The following NIM1K variants were observed in gnomAD, a reference collection of about 807,000 sequenced individuals.
NIM1K encodes the protein NIM1 serine/threonine protein kinase, also known as serine/threonine-protein kinase NIM1.
A neutral mutation model predicts 37.1 loss-of-function variants in NIM1K; 35 were observed. The ratio of observed to expected loss-of-function variants is 0.94; its 90% CI spans 0.72 to 1.25. The LOEUF (loss-of-function observed/expected upper bound fraction) is 1.25, where lower values mean the gene tolerates loss of function less well. Among genes scored for constraint, NIM1K ranks in the 50% most tolerant of loss-of-function variants. The pLI is 0.00. For missense variants in NIM1K, 564 were observed against 548.0 expected (o/e 1.03, Z -0.29); for synonymous variants, 234 against 206.6 (o/e 1.13, Z -1.14).
intron 1 of NIM1K, among the ~76,000 whole-genome samples, chr5:43,198,139 C>CT (rs755397354): frequency 2.5e-5 from 1 of 40,550 alleles, no homozygotes; most frequent in African/African-American, 8.7e-5. Flanking sequence ...TGATTTCTTT[C>CT]TTTCTTTCTT....
At chr5:43,198,372 C>T (rs1751966836) in intron 1 of NIM1K, among the ~76,000 whole-genome samples, 2 of 149,888 alleles carry the variant, frequency 1.3e-5, no homozygotes, top group African/African-American at 2.5e-5. Context: ...CTCTCTCTCT[C>T]CCCCTTCCTC....
At chr5:43,234,770 G>A (rs992251442) in intron 1 of NIM1K, among the ~76,000 whole-genome samples, 1 of 152,126 alleles carries the variant, frequency 6.6e-6, no homozygotes, top group Non-Finnish European at 1.5e-5. Context: ...GAGTAGCGGG[G>A]ATTACAGGTG....
chr5:43,269,142 C>G (rs573648995), intron 2 of NIM1K, among the ~76,000 whole-genome samples: 3 of 140,620 alleles, frequency 2.1e-5, no homozygotes, highest in South Asian at 2.5e-4. Context: ...AACTCCATCT[C>G]TACTAAATTT....
At chr5:43,199,204 A>AAAAAAAATATATATAT (rs1200134957) in intron 1 of NIM1K, among the ~76,000 whole-genome samples, 4 of 94,058 alleles carry the variant, frequency 4.3e-5, no homozygotes, top group Non-Finnish European at 8.2e-5. Flanking sequence ...AAAAAAAAAA[A>AAAAAAAATATATATAT]ATATATATAT....
intron 1 of NIM1K, among the ~76,000 whole-genome samples, chr5:43,198,191 CTT>C (rs748059233): frequency 0.066 from 3,709 of 55,820 alleles, 48 homozygotes; most frequent in East Asian, 0.086. Context: ...TTCTTTCTTT[CTT>C]TCTTTCTTTC....
At chr5:43,228,979 ACT>A (rs1752499865) in intron 1 of NIM1K, among the ~76,000 whole-genome samples, 1 of 152,214 alleles carries the variant, frequency 6.6e-6, no homozygotes, top group Non-Finnish European at 1.5e-5. Flanking sequence ...TATAGATGAT[ACT>A]GTTTTGTCGA....
At chr5:43,256,406 C>T (rs905432658) in intron 2 of NIM1K, among the ~76,000 whole-genome samples, 1 of 152,128 alleles carries the variant, frequency 6.6e-6, no homozygotes, top group Admixed American at 6.5e-5. Flanking sequence ...GTCAAATACT[C>T]AAAAGGTTAG....
intron 2 of NIM1K, among the ~76,000 whole-genome samples, chr5:43,246,378 C>G (rs896181504): frequency 1.3e-4 from 19 of 151,776 alleles, no homozygotes; most frequent in African/African-American, 4.6e-4. Context: ...TAAACCCACT[C>G]AAACATGAGA....
Position 43,277,336 on chromosome 5 carries a change from G to T in NIM1K, c.561+11G>T, listed in dbSNP as rs758957485. 11 of 1,610,774 alleles carry T rather than the reference G, an allele frequency of 6.8e-6. No individual in the cohort carries two copies. In the South Asian group the frequency reaches 1.0e-4, roughly 15 times the overall value. On this transcript the variant is annotated intron_variant, in intron 3 of 3. Transcript: ENST00000326035. ...GCCGTGAAGCACATGGTGAGCAGGG[G>T]TGACGAGTGAGAACCTTGCTCCCAT...
intron 1 of NIM1K, among the ~76,000 whole-genome samples, chr5:43,208,534 G>A (rs964623102): frequency 6.6e-6 from 1 of 151,964 alleles, no homozygotes; most frequent in African/African-American, 2.4e-5. Flanking sequence ...ACCAGGAAGT[G>A]GAGGTTGCAG....
intron 1 of NIM1K, among the ~76,000 whole-genome samples, chr5:43,219,509 G>A (rs1752351939): frequency 6.6e-6 from 1 of 152,100 alleles, no homozygotes; most frequent in Non-Finnish European, 1.5e-5. Flanking sequence ...CCAAAGTGCT[G>A]GGATTGCTGA....
chr5:43,221,208 C>T (rs886527704), intron 1 of NIM1K, among the ~76,000 whole-genome samples: 2 of 152,108 alleles, frequency 1.3e-5, no homozygotes, highest in Non-Finnish European at 2.9e-5. Flanking sequence ...GGTGCTGTGG[C>T]TCATGCCTGT....
chr5:43,250,983 C>T (rs1752859535), intron 2 of NIM1K, among the ~76,000 whole-genome samples: 1 of 152,266 alleles, frequency 6.6e-6, no homozygotes, highest in South Asian at 2.1e-4. Flanking sequence ...TCTCTTTGGT[C>T]CTCAGTTGCC....
chr5:43,266,605 C>G (rs560525801), intron 2 of NIM1K, among the ~76,000 whole-genome samples: 3 of 152,362 alleles, frequency 2.0e-5, no homozygotes, highest in African/African-American at 7.2e-5. Context: ...TCAGCTCACA[C>G]TTCGTGGGCT....
In NIM1K at chr5:43,262,021, A is replaced by G. The variant is rs566900205; in HGVS notation, c.293-15036A>G. On this transcript the variant is annotated intron_variant, in intron 2 of 3. Coordinates refer to ENST00000326035, the MANE Select transcript of NIM1K (RefSeq NM_153361.4). ...GTTTTGGTTACTGTAGCCTTGTAGT[A>G]TAGTTTGAAGTCAGGTAGTGTGATG... Among the ~76,000 whole-genome samples the G allele has an allele frequency of 1.2e-3, 188 of 152,230 alleles. 1 individual carries two copies. Among genetic ancestry groups the G allele is most frequent in the African/African-American group, 4.4e-3 (181 of 41,544 alleles).
chr5:43,266,889 C>T (rs927089936), intron 2 of NIM1K, among the ~76,000 whole-genome samples: 5 of 152,192 alleles, frequency 3.3e-5, no homozygotes, highest in African/African-American at 1.2e-4. Context: ...CTATGTTCAT[C>T]AGGAATATTG....
chr5:43,265,648 G>A (rs571217643), intron 2 of NIM1K, among the ~76,000 whole-genome samples: 12 of 152,312 alleles, frequency 7.9e-5, no homozygotes, highest in African/African-American at 2.9e-4. Flanking sequence ...TCTCCGTCCA[G>A]CTTTGTTCTA....
intron 1 of NIM1K, among the ~76,000 whole-genome samples, chr5:43,220,779 G>A (rs761785513): frequency 1.1e-4 from 17 of 152,032 alleles, no homozygotes; most frequent in Non-Finnish European, 1.5e-4. Context: ...ATTGTTATGT[G>A]TATTACATCT....
intron 1 of NIM1K, among the ~76,000 whole-genome samples, chr5:43,239,530 G>A (rs926511868): frequency 6.7e-6 from 1 of 148,434 alleles, no homozygotes; most frequent in African/African-American, 2.5e-5. Flanking sequence ...GAGCCACCGC[G>A]CCTGCTTTTT....
Sources: allele counts gnomAD v4.1 joint callset (sites outside exome capture counted in the v4.1 genomes callset), GRCh38; gene constraint gnomAD v4.1.1; transcripts MANE v1.5; gene names NCBI Gene and HGNC (gene_info 2026-07-23, HGNC 2026-07-21).